Variants in QKI observed in about 807,000 individuals in gnomAD.
The protein encoded by QKI is QKI, KH domain containing RNA binding.
QKI carries 10 observed loss-of-function variants against 39.0 expected under a neutral mutation model. The observed-to-expected ratio is 0.26, with a 90% CI of 0.16 to 0.43. The LOEUF is 0.43. Ranked by LOEUF, QKI falls within the 20% of genes least tolerant of loss-of-function variation. The pLI, the probability that QKI is intolerant of heterozygous loss-of-function variation, is 1.00. For synonymous variants in QKI, 204 were observed against 155.4 expected (o/e 1.31, Z -2.33); for missense variants, 218 against 428.0 (o/e 0.51, Z 4.33).
chr6:163,456,854 G>T (rs1322177328), intron 2 of QKI, among the ~76,000 whole-genome samples: 1 of 152,068 alleles, frequency 6.6e-6, no homozygotes, highest in Admixed American at 6.5e-5. Context: ...GGAGTTTGTG[G>T]AGCTTCTCGG....
chr6:163,530,728 GTC>G lies in QKI; in HGVS notation c.403-4246_403-4245del, dbSNP rs959063953. 6.6e-5 allele frequency among the ~76,000 whole-genome samples: 10 copies of G among 152,072 alleles called. No individual in the cohort carries two copies. In the East Asian group the frequency reaches 1.9e-3, roughly 29 times the overall value. ...CCTGATGTGGAAAACGGGTTGGTCG[GTC>G]TCTCTCTTCACACTGCACCCCCTCC... On this transcript the variant is annotated intron_variant, in intron 3 of 7. Transcript: ENST00000361752.
At chr6:163,564,248 G>A in intron 6 of QKI, 7 of 1,031,800 alleles carry the variant, frequency 6.8e-6, no homozygotes, top group Non-Finnish European at 8.2e-6. Flanking sequence ...CGGGGATACA[G>A]TCTAAGAATT....
Position 163,573,407 on chromosome 6 carries a change from T to C in QKI, c.*2697T>C, listed in dbSNP as rs1783812018. Reference sequence around the variant, plus strand: ...ATTCTTTATTATCTTAGTTTCATGCTATGTATGTACCATAACCAACCTATT... The same window carrying C: ...ATTCTTTATTATCTTAGTTTCATGCCATGTATGTACCATAACCAACCTATT... On this transcript the variant is annotated 3_prime_UTR_variant, in exon 8 of 8. Coordinates refer to ENST00000361752, the MANE Select transcript of QKI (RefSeq NM_006775.3). The C allele has an allele frequency of 6.6e-6, 1 of 152,200 alleles. No individual in the cohort carries two copies. Among genetic ancestry groups the C allele is most frequent in the African/African-American group, 2.4e-5 (1 of 41,456 alleles). The allele number at this position is 152,200 out of a possible 1,614,324, so 9.4% of individuals were successfully genotyped here.
At chr6:163,511,787 A>T (rs1583133720) in intron 3 of QKI, among the ~76,000 whole-genome samples, 1 of 151,978 alleles carries the variant, frequency 6.6e-6, no homozygotes, top group East Asian at 1.9e-4. Context: ...TGTGAATCTT[A>T]TGTAAAGTCT....
chr6:163,533,938 T>C (rs1477340441), intron 3 of QKI, among the ~76,000 whole-genome samples: 1 of 152,248 alleles, frequency 6.6e-6, no homozygotes, highest in Non-Finnish European at 1.5e-5. Flanking sequence ...AGCAGTTTTA[T>C]TATGCCTGCT....
At chr6:163,549,915 A>G (rs1782122774) in intron 4 of QKI, among the ~76,000 whole-genome samples, 2 of 152,150 alleles carry the variant, frequency 1.3e-5, no homozygotes, top group Non-Finnish European at 2.9e-5. Flanking sequence ...TTGTTGAACA[A>G]ATATTTCTTA....
chr6:163,415,821 C>G, intron 1 of QKI: 6 of 456,390 alleles, frequency 1.3e-5, no homozygotes, highest in South Asian at 9.3e-5. Flanking sequence ...CGTTCGGGAG[C>G]TCTCCCCTCC....
rs1167513427 is a variant in QKI, at chr6:163,564,734, A to G, written c.934+1015A>G. On this transcript the variant is annotated intron_variant, in intron 6 of 7. Transcript: ENST00000361752. ...GACTTGCTGGATGAAGGACTAGAAT[A>G]CAGCAGCTGTTATAACACGACCAGT... is the stretch of plus-strand genomic sequence containing the variant. The G allele has an allele frequency of 1.9e-6, 3 of 1,613,914 alleles. No homozygotes were observed. In the African/African-American group the frequency reaches 4.0e-5, roughly 22 times the overall value.
chr6:163,455,216 T>A (rs1790832788), intron 1 of QKI, 63 bp from the exon 2 acceptor site: 1 of 1,401,322 alleles, frequency 7.1e-7, no homozygotes, highest in South Asian at 1.4e-5. Context: ...CCTCTCTTTT[T>A]TCCTCTGGAC....
At chr6:163,498,738 A>G (rs1169646312) in intron 3 of QKI, among the ~76,000 whole-genome samples, 7 of 152,134 alleles carry the variant, frequency 4.6e-5, no homozygotes, top group Non-Finnish European at 1.5e-5. Flanking sequence ...TAGATATTTG[A>G]CAGGTTTGTA....
rs555814946 is a variant in QKI at position 163,415,235 on chromosome 6, C to T, written c.42C>T (p.Thr14=). The T allele has an allele frequency of 5.0e-6, 8 of 1,597,520 alleles. No homozygotes were observed. In the South Asian group the frequency reaches 5.5e-5, roughly 11 times the overall value. ...AAACGAAGGAGAAGCCGAAGCCCACCCCAGATTACCTGATGCAGCTGATGA... is the reference window on the plus strand; with the variant it reads ...AAACGAAGGAGAAGCCGAAGCCCACTCCAGATTACCTGATGCAGCTGATGA... ...EMETKEKPKP[T]PDYLMQLMND... is the part of the protein sequence containing the mutation. Residue 14 remains threonine, a synonymous_variant, in exon 1 of 8, where the codon ACC becomes ACT. Transcript: ENST00000361752.
At chr6:163,566,857 A>G (rs1783394334) in intron 7 of QKI, 62 bp downstream of exon 7, 7 of 1,582,666 alleles carry the variant, frequency 4.4e-6, no homozygotes, top group South Asian at 1.1e-5. Context: ...AAAATTTGCA[A>G]CACCACACCT....
Position 163,521,910 on chromosome 6 carries a change from G to A in QKI, c.403-13072G>A, listed in dbSNP as rs1013417728. On this transcript the variant is annotated intron_variant, in intron 3 of 7. Coordinates refer to ENST00000361752, the MANE Select transcript of QKI (RefSeq NM_006775.3). ...TTTGAGGCTTCTTAATTGAGGAAGCGGGATGTGCTTATGCTTGATTATGTT... is the reference window on the plus strand; with the variant it reads ...TTTGAGGCTTCTTAATTGAGGAAGCAGGATGTGCTTATGCTTGATTATGTT... Among the ~76,000 whole-genome samples, 10 of 152,190 alleles carry A rather than the reference G, an allele frequency of 6.6e-5. No homozygotes were observed. In the South Asian group the frequency reaches 1.0e-3, roughly 16 times the overall value.
At chr6:163,451,886 C>G (rs1790590733) in intron 1 of QKI, among the ~76,000 whole-genome samples, 1 of 152,182 alleles carries the variant, frequency 6.6e-6, no homozygotes, top group African/African-American at 2.4e-5. Flanking sequence ...GTACTCGTTG[C>G]ATGTTTCCAT....
intron 2 of QKI, 118 bp from the exon 3 acceptor site, chr6:163,478,662 A>G (rs1792816704): frequency 2.9e-6 from 2 of 682,048 alleles, no homozygotes; most frequent in African/African-American, 1.8e-5. Context: ...TTTTATTTCA[A>G]CTTAGTATTA....
chr6:163,484,523 C>A (rs759963621), intron 3 of QKI, among the ~76,000 whole-genome samples: 36 of 152,050 alleles, frequency 2.4e-4, no homozygotes, highest in Non-Finnish European at 4.7e-4. Context: ...TTTTTAAGGG[C>A]CCTAGTATTT....
intron 2 of QKI, among the ~76,000 whole-genome samples, chr6:163,475,347 G>T (rs906613090): frequency 1.3e-5 from 2 of 151,982 alleles, no homozygotes; most frequent in Admixed American, 1.3e-4. Context: ...ATTTTTTCTT[G>T]TCATTATTTC....
Position 163,570,808 on chromosome 6 carries a change from G to C in QKI, c.*98G>C, listed in dbSNP as rs1379987709. On this transcript the variant is annotated 3_prime_UTR_variant, in exon 8 of 8. Coordinates refer to ENST00000361752, the MANE Select transcript of QKI (RefSeq NM_006775.3). ...TGGTAATCGCCTTTGCTTGCCTGTC[G>C]TCAGTGCAGCGAGCTGAGGCACTTG... 3 of 1,507,458 alleles carry C rather than the reference G, an allele frequency of 2.0e-6. No individual in the cohort carries two copies. The highest frequency in any genetic ancestry group is 2.8e-5 in the African/African-American group (2 of 71,004). 93.4% of individuals were successfully genotyped at this position (1,507,458 alleles called of 1,614,324 possible).
In QKI at chr6:163,575,867, G is replaced by C. The variant is rs1379524103; in HGVS notation, c.*5157G>C. 6.6e-6 allele frequency: 1 copy of C among 152,084 alleles called. No individual in the cohort carries two copies. The highest frequency in any genetic ancestry group is 2.4e-5 in the African/African-American group (1 of 41,402). The allele number at this position is 152,084 out of a possible 1,614,324, so 9.4% of individuals were successfully genotyped here. ...CAGCCTAAGGTTTCTTTAGTTTTAG[G>C]ATGGGGTGGGGTGGGAGTGGTTTTG... On this transcript the variant is annotated 3_prime_UTR_variant, in exon 8 of 8. Transcript: ENST00000361752.
Sources: allele counts gnomAD v4.1 joint callset (sites outside exome capture counted in the v4.1 genomes callset), GRCh38; gene constraint gnomAD v4.1.1; transcripts MANE v1.5; gene names NCBI Gene and HGNC (gene_info 2026-07-23, HGNC 2026-07-21).